The following ADAMTSL3 variants were observed in gnomAD, a reference collection of about 807,000 sequenced individuals.
ADAMTSL3 encodes the protein ADAMTS like 3.
Under a neutral mutation model 201.7 loss-of-function variants are expected in ADAMTSL3, and 128 were observed. That is an observed-to-expected ratio of 0.63 (90% CI 0.55 to 0.73). ADAMTSL3 has a LOEUF of 0.73. Ranked by LOEUF, ADAMTSL3 falls within the 30% of genes least tolerant of loss-of-function variation. The probability of loss-of-function intolerance (pLI) is 0.00; values close to 1 mark genes in which losing one functional copy is unlikely to be tolerated. For missense variants in ADAMTSL3, 1,990 were observed against 2,119.6 expected, an observed-to-expected ratio of 0.94 and a Z score of 1.20; for synonymous variants, 738 against 748.4, an observed-to-expected ratio of 0.99 and a Z score of 0.23.
At chr15:83,771,946 G>A (rs1159232337) in intron 3 of ADAMTSL3, among the ~76,000 whole-genome samples, 3 of 151,474 alleles carry the variant, frequency 2.0e-5, no homozygotes, top group African/African-American at 7.3e-5. Flanking sequence ...TCTGCCTCCC[G>A]GGTTCAAGCA....
At chr15:83,885,024 A>G in intron 9 of ADAMTSL3, 77 bp from the exon 10 acceptor site, 1 of 947,202 alleles carries the variant, frequency 1.1e-6, no homozygotes, top group Non-Finnish European at 1.6e-6. Context: ...CATGAAGAAC[A>G]TTTATCTTAT....
intron 4 of ADAMTSL3, among the ~76,000 whole-genome samples, chr15:83,781,266 A>G (rs576224509): frequency 6.6e-6 from 1 of 152,330 alleles, no homozygotes; most frequent in East Asian, 1.9e-4. Flanking sequence ...AGATGGACAC[A>G]TAGACTAATG....
At chr15:83,835,149 G>C (rs1000417000) in intron 6 of ADAMTSL3, among the ~76,000 whole-genome samples, 11 of 151,182 alleles carry the variant, frequency 7.3e-5, no homozygotes, top group Non-Finnish European at 4.4e-5. Flanking sequence ...CAGGAAAATG[G>C]CGTGAACCCA....
chr15:83,743,519 C>CAAA (rs759218799), intron 3 of ADAMTSL3, among the ~76,000 whole-genome samples: 21 of 57,010 alleles, frequency 3.7e-4, no homozygotes, highest in African/African-American at 7.9e-4. Context: ...GACTCCGTCT[C>CAAA]AAAAAAAAAA....
intron 19 of ADAMTSL3, among the ~76,000 whole-genome samples, chr15:83,966,607 G>A (rs2142110528): frequency 6.6e-6 from 1 of 152,146 alleles, no homozygotes; most frequent in South Asian, 2.1e-4. Flanking sequence ...GTACAAAGAG[G>A]AGCTTGGTAC....
intron 4 of ADAMTSL3, among the ~76,000 whole-genome samples, chr15:83,798,759 A>T (rs1216976638): frequency 6.9e-6 from 1 of 145,136 alleles, no homozygotes; most frequent in Non-Finnish European, 1.5e-5. Flanking sequence ...GGGAGCTGAG[A>T]TCGCGCCATT....
Position 83,748,211 on chromosome 15 carries a change from T to G in ADAMTSL3, c.190-25312T>G, listed in dbSNP as rs184104540. ...TAGCAGCACTCTGCCCTTAGGGAACTATAGTCTAGCAGGGAAAGAAGAATG... is the reference window on the plus strand; with the variant it reads ...TAGCAGCACTCTGCCCTTAGGGAACGATAGTCTAGCAGGGAAAGAAGAATG... On this transcript the variant is annotated intron_variant, in intron 3 of 29. Transcript: ENST00000286744. 1.0e-3 allele frequency among the ~76,000 whole-genome samples: 153 copies of G among 152,302 alleles called. 1 individual carries two copies. Among genetic ancestry groups the G allele is most frequent in the Non-Finnish European group, 1.1e-3 (72 of 68,022 alleles).
In ADAMTSL3 at chr15:83,956,265, C is replaced by T. The variant is rs539356160; in HGVS notation, c.2490+13183C>T. Among the ~76,000 whole-genome samples, 28 of 152,274 alleles carry T rather than the reference C, an allele frequency of 1.8e-4. No individual in the cohort carries two copies. The East Asian group carries it at 4.4e-3, about 24-fold the overall frequency. On this transcript the variant is annotated intron_variant, in intron 19 of 29. Coordinates refer to ENST00000286744, the MANE Select transcript of ADAMTSL3 (RefSeq NM_207517.3). ...CCCTGAAGTGCACAGATTCTCTCTC[C>T]GTGCCATGCAGCCACTGCCAGGGAA... is the stretch of plus-strand genomic sequence containing the variant.
intron 24 of ADAMTSL3, among the ~76,000 whole-genome samples, chr15:84,015,848 T>TCA (rs2068079829): frequency 6.6e-6 from 1 of 152,236 alleles, no homozygotes; most frequent in Non-Finnish European, 1.5e-5. Flanking sequence ...CACTCCTACC[T>TCA]GGCATACCTC....
chr15:84,012,100 C>A (rs2068016236), intron 23 of ADAMTSL3, among the ~76,000 whole-genome samples: 1 of 152,038 alleles, frequency 6.6e-6, no homozygotes, highest in African/African-American at 2.4e-5. Flanking sequence ...GTTTTTATAA[C>A]AATATTTAAA....
At chr15:83,743,074 TG>T (rs1283821223) in intron 3 of ADAMTSL3, among the ~76,000 whole-genome samples, 5 of 152,192 alleles carry the variant, frequency 3.3e-5, no homozygotes, top group Non-Finnish European at 7.3e-5. Context: ...CCTGTGTTAT[TG>T]TAACTGCGCT....
intron 2 of ADAMTSL3, among the ~76,000 whole-genome samples, chr15:83,688,783 T>TACAC (rs1567073540): frequency 3.9e-5 from 3 of 77,662 alleles, no homozygotes; most frequent in East Asian, 1.0e-3. Context: ...CACACACACA[T>TACAC]ACACACACAC....
At chr15:83,870,563 A>G (rs1028611098) in intron 8 of ADAMTSL3, among the ~76,000 whole-genome samples, 1 of 152,182 alleles carries the variant, frequency 6.6e-6, no homozygotes, top group Admixed American at 6.5e-5. Context: ...TATGCTAGAA[A>G]TGGCTCCAAA....
intron 19 of ADAMTSL3, among the ~76,000 whole-genome samples, chr15:83,968,409 C>A (rs757767938): frequency 5.3e-5 from 8 of 152,070 alleles, no homozygotes; most frequent in East Asian, 3.9e-4. Context: ...ATGCGGCCAA[C>A]AAACATATGG....
chr15:83,847,923 CT>C (rs1182175811), intron 7 of ADAMTSL3, among the ~76,000 whole-genome samples: 1 of 151,316 alleles, frequency 6.6e-6, no homozygotes, highest in East Asian at 1.9e-4. Context: ...AAATGCATTC[CT>C]TAAAAATAAA....
At chr15:83,694,616 C>T (rs543965848) in intron 2 of ADAMTSL3, among the ~76,000 whole-genome samples, 1 of 152,138 alleles carries the variant, frequency 6.6e-6, no homozygotes, top group East Asian at 1.9e-4. Flanking sequence ...AGAGGATCTG[C>T]ATTGTGTATA....
chr15:83,847,936 CCT>C (rs1196860782), intron 7 of ADAMTSL3, among the ~76,000 whole-genome samples: 2 of 150,268 alleles, frequency 1.3e-5, no homozygotes, highest in Admixed American at 6.6e-5. Context: ...AAAAATAAAA[CCT>C]ATTTTTTTTT....
At chr15:84,002,762 A>G (rs2141863925) in intron 23 of ADAMTSL3, among the ~76,000 whole-genome samples, 1 of 152,238 alleles carries the variant, frequency 6.6e-6, no homozygotes, top group African/African-American at 2.4e-5. Context: ...CTTATAAAAA[A>G]AATTTTAAAG....
intron 17 of ADAMTSL3, among the ~76,000 whole-genome samples, chr15:83,924,257 C>T (rs1202184865): frequency 1.3e-5 from 2 of 152,232 alleles, no homozygotes; most frequent in Non-Finnish European, 2.9e-5. Context: ...CTTTTGTTTG[C>T]ATCGAACACG....
Sources: allele counts gnomAD v4.1 joint callset (sites outside exome capture counted in the v4.1 genomes callset), GRCh38; gene constraint gnomAD v4.1.1; transcripts MANE v1.5; gene names NCBI Gene and HGNC (gene_info 2026-07-23, HGNC 2026-07-21).